The following PTPRT variants were observed in gnomAD, a reference collection of about 807,000 sequenced individuals.
The protein encoded by PTPRT is receptor-type tyrosine-protein phosphatase T.
In PTPRT, 56 loss-of-function variants were observed where a neutral mutation model predicts 176.8. The ratio of observed to expected loss-of-function variants is 0.32; its 90% confidence interval spans 0.26 to 0.40. PTPRT has a LOEUF of 0.40. Ranked by LOEUF, PTPRT falls within the 10% of genes least tolerant of loss-of-function variation. The pLI is 1.00. For missense variants in PTPRT, 1,540 were observed against 1,908.2 expected, an observed-to-expected ratio of 0.81 and a Z score of 3.60; for synonymous variants, 783 against 739.0, an observed-to-expected ratio of 1.06 and a Z score of -0.96.
At chr20:43,065,178 C>A (rs948077581) in intron 1 of PTPRT, among the ~76,000 whole-genome samples, 12 of 152,334 alleles carry the variant, frequency 7.9e-5, no homozygotes, top group Admixed American at 7.2e-4. Context: ...CAGCAAAAAT[C>A]TTGATATTTT....
intron 9 of PTPRT, among the ~76,000 whole-genome samples, chr20:42,414,144 ACT>A (rs2059043119): frequency 1.3e-5 from 2 of 152,142 alleles, no homozygotes; most frequent in South Asian, 4.1e-4. Context: ...GACTTTGTTT[ACT>A]GTCTACAGAA....
chr20:42,818,923 T>A (rs574904935), intron 2 of PTPRT, among the ~76,000 whole-genome samples: 46 of 152,210 alleles, frequency 3.0e-4, no homozygotes, highest in African/African-American at 1.1e-3. Context: ...AACCTACAAT[T>A]GACTGAAGTA....
intron 2 of PTPRT, among the ~76,000 whole-genome samples, chr20:42,850,394 G>C (rs932478433): frequency 6.6e-6 from 1 of 152,178 alleles, no homozygotes; most frequent in Admixed American, 6.5e-5. Flanking sequence ...CGTCCGAACC[G>C]GAATAACTAA....
chr20:43,086,124 C>T (rs2011597200), intron 1 of PTPRT, among the ~76,000 whole-genome samples: 1 of 152,120 alleles, frequency 6.6e-6, no homozygotes, highest in Admixed American at 6.5e-5. Flanking sequence ...ACCCATTTTC[C>T]CTCTCAAATG....
chr20:42,156,459 A>T (rs1459326869), intron 17 of PTPRT, among the ~76,000 whole-genome samples: 2 of 152,190 alleles, frequency 1.3e-5, no homozygotes, highest in Non-Finnish European at 1.5e-5. Flanking sequence ...TGTGGCTTTA[A>T]TCATCTATAG....
At chr20:42,421,246 A>G (rs923539739) in intron 9 of PTPRT, among the ~76,000 whole-genome samples, 1 of 146,744 alleles carries the variant, frequency 6.8e-6, no homozygotes, top group Non-Finnish European at 1.5e-5. Flanking sequence ...CCCCTAACAT[A>G]CACACACACG....
intron 1 of PTPRT, among the ~76,000 whole-genome samples, chr20:43,120,200 A>G (rs1344323121): frequency 6.6e-6 from 1 of 152,142 alleles, no homozygotes; most frequent in Non-Finnish European, 1.5e-5. Flanking sequence ...ACTATATCAA[A>G]TATATAAAGG....
intron 1 of PTPRT, among the ~76,000 whole-genome samples, chr20:42,965,744 C>T (rs1356081595): frequency 1.3e-5 from 2 of 152,166 alleles, no homozygotes; most frequent in Admixed American, 6.5e-5. Flanking sequence ...TAACATGGCA[C>T]TGATGTTGAT....
chr20:43,013,726 C>T (rs1024805297), intron 1 of PTPRT, among the ~76,000 whole-genome samples: 1 of 152,180 alleles, frequency 6.6e-6, no homozygotes, highest in Non-Finnish European at 1.5e-5. Flanking sequence ...ACTCAGCAGA[C>T]ATTTCTGAGC....
intron 2 of PTPRT, among the ~76,000 whole-genome samples, chr20:42,828,326 C>T (rs564016523): frequency 2.9e-4 from 44 of 152,006 alleles, no homozygotes; most frequent in South Asian, 6.2e-4. Flanking sequence ...TTAGGGTATC[C>T]GGTAGAAAAA....
chr20:42,556,803 CTTAG>C (rs1472007966), intron 7 of PTPRT, among the ~76,000 whole-genome samples: 1 of 152,146 alleles, frequency 6.6e-6, no homozygotes, highest in Non-Finnish European at 1.5e-5. Context: ...AACATTATTG[CTTAG>C]TCAATTCATC....
intron 1 of PTPRT, among the ~76,000 whole-genome samples, chr20:43,045,821 C>T (rs886410657): frequency 3.9e-5 from 6 of 151,938 alleles, no homozygotes; most frequent in Non-Finnish European, 8.8e-5. Context: ...CATAAGAATA[C>T]AAATAATGAT....
At chr20:42,307,967 T>A (rs2057569006) in intron 12 of PTPRT, among the ~76,000 whole-genome samples, 1 of 152,152 alleles carries the variant, frequency 6.6e-6, no homozygotes, top group African/African-American at 2.4e-5. Context: ...TATATGCGAA[T>A]TATAATGCAT....
At chr20:42,839,689 C>G (rs1353443027) in intron 2 of PTPRT, among the ~76,000 whole-genome samples, 1 of 152,108 alleles carries the variant, frequency 6.6e-6, no homozygotes, top group Non-Finnish European at 1.5e-5. Context: ...CAAGGACATC[C>G]CAAGGTATGG....
At chr20:42,677,279 C>A (rs1027407495) in intron 7 of PTPRT, among the ~76,000 whole-genome samples, 3 of 152,070 alleles carry the variant, frequency 2.0e-5, no homozygotes, top group Non-Finnish European at 2.9e-5. Context: ...CTCAGGGAGC[C>A]TCAGGAACAA....
chr20:42,624,676 T>A (rs549855007), intron 7 of PTPRT, among the ~76,000 whole-genome samples: 1 of 152,224 alleles, frequency 6.6e-6, no homozygotes, highest in African/African-American at 2.4e-5. Flanking sequence ...TGTTCAGAAA[T>A]CCAGATTTGA....
chr20:42,405,652 T>C (rs2058954518), intron 9 of PTPRT, among the ~76,000 whole-genome samples: 2 of 152,204 alleles, frequency 1.3e-5, no homozygotes, highest in African/African-American at 4.8e-5. Flanking sequence ...GCAATAAACA[T>C]ATGTGTGCAT....
chr20:43,033,512 C>T (rs1345930585), intron 1 of PTPRT, among the ~76,000 whole-genome samples: 1 of 152,140 alleles, frequency 6.6e-6, no homozygotes, highest in Non-Finnish European at 1.5e-5. Context: ...GGACTCCCAC[C>T]CACTGTGCAT....
intron 8 of PTPRT, among the ~76,000 whole-genome samples, chr20:42,457,906 T>C (rs1330621680): frequency 6.6e-6 from 1 of 152,106 alleles, no homozygotes; most frequent in Non-Finnish European, 1.5e-5. Flanking sequence ...GGAGCTCTCG[T>C]TCTCTGCATC....
Sources: allele counts gnomAD v4.1 joint callset (sites outside exome capture counted in the v4.1 genomes callset), GRCh38; gene constraint gnomAD v4.1.1; transcripts MANE v1.5; gene names NCBI Gene and HGNC (gene_info 2026-07-23, HGNC 2026-07-21).